GPC5: variants seen among roughly 807,000 people sequenced by gnomAD.
GPC5 encodes glypican 5.
In GPC5, 47 loss-of-function variants were observed where a neutral mutation model predicts 53.9. That is an observed-to-expected ratio of 0.87 (90% CI 0.69 to 1.11). The LOEUF (loss-of-function observed/expected upper bound fraction) is 1.11. Among genes scored for constraint, GPC5 ranks in the 50% most tolerant of loss-of-function variants. The pLI is 0.00. For missense variants in GPC5, 748 were observed against 713.1 expected (o/e 1.05, Z -0.56); for synonymous variants, 286 against 263.3 (o/e 1.09, Z -0.84).
chr13:91,898,030 T>G (rs1350753976), intron 5 of GPC5, among the ~76,000 whole-genome samples: 1 of 152,180 alleles, frequency 6.6e-6, no homozygotes, highest in Non-Finnish European at 1.5e-5. Flanking sequence ...ATATTAACCA[T>G]TCAGTCTTCT....
intron 7 of GPC5, among the ~76,000 whole-genome samples, chr13:92,333,411 CTTGTATCCTCT>C (rs1239959561): frequency 6.6e-6 from 1 of 152,140 alleles, no homozygotes; most frequent in Non-Finnish European, 1.5e-5. Context: ...ATTTCAGCCA[CTTGTATCCTCT>C]TACATGGAGG....
chr13:91,635,482 T>G (rs1024743129), intron 2 of GPC5, among the ~76,000 whole-genome samples: 24 of 152,250 alleles, frequency 1.6e-4, no homozygotes, highest in African/African-American at 5.3e-4. Flanking sequence ...ATATTATTTT[T>G]AAACATCTTC....
chr13:91,530,032 A>C (rs572487057), intron 2 of GPC5, among the ~76,000 whole-genome samples: 1 of 152,244 alleles, frequency 6.6e-6, no homozygotes, highest in South Asian at 2.1e-4. Context: ...CCAGTGTCTC[A>C]CAGCAGCATT....
chr13:92,479,066 A>T (rs888609577), intron 7 of GPC5, among the ~76,000 whole-genome samples: 1 of 152,146 alleles, frequency 6.6e-6, no homozygotes, highest in African/African-American at 2.4e-5. Context: ...TTATGTGGAG[A>T]TGTCAAGTCT....
rs931425829 is a variant in GPC5 at position 92,761,327 on chromosome 13, C to G, written c.1562-104955C>G. 4.6e-5 allele frequency among the ~76,000 whole-genome samples: 7 copies of G among 152,280 alleles called. No individual in the cohort carries two copies. The East Asian group carries it at 7.7e-4, about 17-fold the overall frequency. On this transcript the variant is annotated intron_variant, in intron 7 of 7. Transcript: ENST00000377067. ...GGCCTATAGGAATGCCCCTCTGTGC[C>G]TGGCTCCATTAATTTTTGCTTTGTA...
At chr13:92,006,602 G>C (rs554034272) in intron 6 of GPC5, among the ~76,000 whole-genome samples, 1 of 152,078 alleles carries the variant, frequency 6.6e-6, no homozygotes, top group Non-Finnish European at 1.5e-5. Context: ...TCTTGATCTT[G>C]TATCAAATGT....
chr13:91,867,008 G>C (rs2039092221), intron 5 of GPC5, among the ~76,000 whole-genome samples: 1 of 152,180 alleles, frequency 6.6e-6, no homozygotes, highest in African/African-American at 2.4e-5. Flanking sequence ...CTGAGGTTGG[G>C]AGTTTGAGAC....
At position 92,748,009 on chromosome 13, in the gene GPC5, C is replaced by CCAAA. The variant is rs571023458; in HGVS notation, c.1562-118271_1562-118268dup. ...ATAACGTCAGTTTTCTTTGAATAAC[C>CCAAA]CAAACGATGATGGCCTGAGGTAGTC... is the stretch of plus-strand genomic sequence containing the variant. On this transcript the variant is annotated intron_variant, in intron 7 of 7. Coordinates refer to ENST00000377067, the MANE Select transcript of GPC5 (RefSeq NM_004466.6). Among the ~76,000 whole-genome samples the CCAAA allele has an allele frequency of 1.4e-4, 21 of 151,990 alleles. No individual in the cohort carries two copies. In the South Asian group the frequency reaches 4.4e-3, roughly 32 times the overall value.
intron 2 of GPC5, among the ~76,000 whole-genome samples, chr13:91,504,363 T>C (rs118138989): frequency 0.019 from 2,817 of 152,176 alleles, 44 homozygotes; most frequent in Middle Eastern, 0.034. Context: ...AATTCCATAA[T>C]TGTTATTCAT....
chr13:92,651,103 A>C (rs1480753358), intron 7 of GPC5, among the ~76,000 whole-genome samples: 1 of 152,120 alleles, frequency 6.6e-6, no homozygotes, highest in Non-Finnish European at 1.5e-5. Context: ...ATGGTTGCAC[A>C]GTATTCCATG....
chr13:91,948,806 G>A (rs2039999621), intron 6 of GPC5, among the ~76,000 whole-genome samples: 1 of 152,196 alleles, frequency 6.6e-6, no homozygotes, highest in Admixed American at 6.5e-5. Context: ...AAACTGTAAT[G>A]CTGCAGAGTC....
intron 7 of GPC5, among the ~76,000 whole-genome samples, chr13:92,174,569 C>CA (rs888956166): frequency 1.3e-4 from 20 of 149,122 alleles, no homozygotes; most frequent in South Asian, 4.2e-4. Context: ...ACAACAACAA[C>CA]AAAAAAAACA....
At chr13:92,663,755 AAT>A (rs1490240092) in intron 7 of GPC5, among the ~76,000 whole-genome samples, 1 of 140,122 alleles carries the variant, frequency 7.1e-6, no homozygotes, top group South Asian at 2.2e-4. Context: ...ATCTCTACTA[AAT>A]ATATATATAC....
At chr13:92,047,438 A>ATG (rs1466235742) in intron 6 of GPC5, among the ~76,000 whole-genome samples, 10 of 96,228 alleles carry the variant, frequency 1.0e-4, no homozygotes, top group Non-Finnish European at 2.4e-4. Flanking sequence ...AACTATATAT[A>ATG]TATATTTTTT....
intron 7 of GPC5, among the ~76,000 whole-genome samples, chr13:92,838,501 A>G (rs1878304255): frequency 6.6e-6 from 1 of 150,706 alleles, no homozygotes; most frequent in Non-Finnish European, 1.5e-5. Flanking sequence ...AAAAAAAAAG[A>G]AAAAAAAGAA....
intron 2 of GPC5, among the ~76,000 whole-genome samples, chr13:91,600,325 GAGAGAGAGAGAGAGAGA>G (rs1566542217): frequency 4.0e-5 from 3 of 74,434 alleles, no homozygotes; most frequent in African/African-American, 2.4e-4. Context: ...GAGAGAGAGA[GAGAGAGAGAGAGAGAGA>G]GAGAGAGTGT....
At chr13:92,369,146 A>G (rs1267082231) in intron 7 of GPC5, among the ~76,000 whole-genome samples, 1 of 152,246 alleles carries the variant, frequency 6.6e-6, no homozygotes, top group Non-Finnish European at 1.5e-5. Flanking sequence ...TGAATATATC[A>G]TCAATGCACC....
At chr13:91,979,254 G>T (rs1398668341) in intron 6 of GPC5, among the ~76,000 whole-genome samples, 1 of 152,042 alleles carries the variant, frequency 6.6e-6, no homozygotes, top group Non-Finnish European at 1.5e-5. Context: ...TTAACATCAC[G>T]GAGGTATTCA....
chr13:92,598,365 ATG>A (rs1165468134), intron 7 of GPC5, among the ~76,000 whole-genome samples: 1 of 151,838 alleles, frequency 6.6e-6, no homozygotes, highest in African/African-American at 2.4e-5. Flanking sequence ...CTAATTTTTC[ATG>A]TGTTTGGAAT....
Sources: allele counts gnomAD v4.1 joint callset (sites outside exome capture counted in the v4.1 genomes callset), GRCh38; gene constraint gnomAD v4.1.1; transcripts MANE v1.5; gene names NCBI Gene and HGNC (gene_info 2026-07-23, HGNC 2026-07-21).